Variants in CHID1 observed in about 807,000 individuals in gnomAD.
The protein encoded by CHID1 is chitinase domain-containing protein 1.
CHID1 carries 44 observed loss-of-function variants against 55.4 expected under a neutral mutation model. That is an observed-to-expected ratio of 0.79 (90% CI 0.62 to 1.02). The LOEUF is 1.02. Among genes scored for constraint, CHID1 ranks in the 50% least tolerant of loss-of-function variants. The pLI, the probability that CHID1 is intolerant of heterozygous loss-of-function variation, is 0.00. For synonymous variants in CHID1, 216 were observed against 212.9 expected (o/e 1.01, Z -0.13); for missense variants, 491 against 515.3 (o/e 0.95, Z 0.46).
intron 10 of CHID1, among the ~76,000 whole-genome samples, chr11:873,631 G>A (rs942497065): frequency 6.6e-6 from 1 of 152,086 alleles, no homozygotes; most frequent in Non-Finnish European, 1.5e-5. Context: ...CAATGAACAC[G>A]GACAGCTCGG....
intron 10 of CHID1, among the ~76,000 whole-genome samples, chr11:878,714 T>A (rs1046606242): frequency 5.9e-5 from 9 of 152,032 alleles, no homozygotes; most frequent in Non-Finnish European, 7.4e-5. Flanking sequence ...CTTTTTTTTT[T>A]AATTTGAGAC....
intron 8 of CHID1, among the ~76,000 whole-genome samples, chr11:884,580 C>A (rs911918285): frequency 6.6e-6 from 1 of 152,200 alleles, no homozygotes; most frequent in Non-Finnish European, 1.5e-5. Context: ...GCAGCAAAGC[C>A]TCCCTGAAGG....
upstream of CHID1, chr11:910,922 A>C (rs959559598): frequency 1.3e-6 from 1 of 779,252 alleles, no homozygotes; most frequent in Non-Finnish European, 1.6e-6. Context: ...GGGACTGGGC[A>C]GGGCTGCCCG....
chr11:881,258 A>C (rs1849892990), intron 10 of CHID1, among the ~76,000 whole-genome samples: 1 of 152,142 alleles, frequency 6.6e-6, no homozygotes, highest in African/African-American at 2.4e-5. Context: ...AGCCTGGACC[A>C]CATAGTGAGA....
chr11:869,857 C>G lies in CHID1; in HGVS notation c.*1G>C. ...TCCACCGCGGAGGCCGCAATGCCCA[C>G]CTAGAGCAGGTCGTAGAAGTAGTCC... is the stretch of plus-strand genomic sequence containing the variant. On this transcript the variant is annotated 3_prime_UTR_variant, in exon 13 of 13. Transcript: ENST00000323578. The G allele has an allele frequency of 6.2e-7, 1 of 1,612,862 alleles. No homozygotes were observed. The highest frequency in any genetic ancestry group is 8.5e-7 in the Non-Finnish European group (1 of 1,179,702).
chr11:877,409 A>G (rs572117192), intron 10 of CHID1, among the ~76,000 whole-genome samples: 23 of 152,272 alleles, frequency 1.5e-4, no homozygotes, highest in African/African-American at 5.1e-4. Context: ...ATACCGGCTA[A>G]TTTGTTTTTA....
rs556045828 is a variant in CHID1, at chr11:869,917, C to T, written c.1123G>A (p.Val375Ile). 19 of 1,612,812 alleles carry T rather than the reference C, an allele frequency of 1.2e-5. No individual in the cohort carries two copies. Among genetic ancestry groups the T allele is most frequent in the Middle Eastern group, 1.7e-4 (1 of 6,060 alleles). The change falls in exon 13 of 13, where the codon GTT (valine) becomes ATT (isoleucine). Residue 375 changes from valine (V) to isoleucine (I), a missense_variant. Physicochemically the swap from Val to Ile is conservative, Grantham distance 29 (BLOSUM62 3). Transcript: ENST00000323578. Reference sequence around the variant, plus strand: ...CCCAGCTCCCAGATAGAGACCCCAACGCCCAGCTCCCGGGCCAGCTCCAGC... The same window carrying T: ...CCCAGCTCCCAGATAGAGACCCCAATGCCCAGCTCCCGGGCCAGCTCCAGC... The part of the protein sequence containing the change: ...VRLELARELG[V>I]GVSIWELGQG...
chr11:903,678 G>A, intron 2 of CHID1: 1 of 219,044 alleles, frequency 4.6e-6, no homozygotes, highest in Non-Finnish European at 9.4e-6. Context: ...CTACTCGGGA[G>A]GCTGAAGCAG....
intron 4 of CHID1, 127 bp downstream of exon 4, chr11:902,071 C>CCAT: frequency 1.0e-6 from 1 of 958,016 alleles, no homozygotes. Context: ...CACGCAGAGA[C>CCAT]ACACACACAC....
intron 10 of CHID1, among the ~76,000 whole-genome samples, chr11:877,127 G>A (rs757221889): frequency 7.9e-5 from 12 of 152,312 alleles, no homozygotes; most frequent in Non-Finnish European, 1.5e-4. Flanking sequence ...ACCCCAACTT[G>A]TGCAAAGCTG....
rs188344807 is a variant in CHID1, at chr11:894,802, T to C, written c.609-1283A>G. Among the ~76,000 whole-genome samples the C allele has an allele frequency of 3.7e-4, 57 of 152,238 alleles. 2 individuals are homozygous for C. In the East Asian group the frequency reaches 6.8e-3, roughly 18 times the overall value. ...TACCCAGAGGCCCTGGTGCTCCCAA[T>C]GGTGCCAGGACCAGGGCCTGGCATG... is the stretch of plus-strand genomic sequence containing the variant. On this transcript the variant is annotated intron_variant, in intron 7 of 12. Coordinates refer to ENST00000323578, the MANE Select transcript of CHID1 (RefSeq NM_023947.4).
chr11:910,852 C>A (rs753163693), upstream of CHID1: 1,812 of 1,086,578 alleles, frequency 1.7e-3, 2 homozygotes, highest in Non-Finnish European at 1.8e-3. Flanking sequence ...CCGCCCCAGG[C>A]GCCCGCGCGC....
intron 8 of CHID1, among the ~76,000 whole-genome samples, chr11:891,724 C>T (rs1293805265): frequency 2.6e-5 from 4 of 152,174 alleles, no homozygotes; most frequent in Admixed American, 2.0e-4. Flanking sequence ...CTGTAGTCCT[C>T]CCAACCACCT....
At chr11:898,359 C>T (rs1267398300) in intron 7 of CHID1, among the ~76,000 whole-genome samples, 1 of 151,802 alleles carries the variant, frequency 6.6e-6, no homozygotes, top group Non-Finnish European at 1.5e-5. Context: ...GTGGTGGGGG[C>T]GGGGGAGCCG....
At chr11:893,992 G>A (rs1212110774) in intron 7 of CHID1, among the ~76,000 whole-genome samples, 1 of 151,982 alleles carries the variant, frequency 6.6e-6, no homozygotes, top group African/African-American at 2.4e-5. Context: ...TGTGGTGGCA[G>A]GTTCCTGTAA....
intron 1 of CHID1, among the ~76,000 whole-genome samples, chr11:907,559 A>G (rs1852336892): frequency 6.6e-6 from 1 of 152,104 alleles, no homozygotes; most frequent in Non-Finnish European, 1.5e-5. Context: ...AACCACCACC[A>G]TAGCCCAGCC....
rs1158364575 is a variant in CHID1 at position 875,511 on chromosome 11, G to A, written c.960-5012C>T. ...GTAGACACTGAGGGCCCCGGGTGTG[G>A]AGAAGACCTGGCTCCTCGTCACTGG... On this transcript the variant is annotated intron_variant, in intron 10 of 12. Transcript: ENST00000323578. This position sits in a 1 kb window ranked among gnomAD's most constrained non-coding sequence, Gnocchi z 4.7. 1.3e-5 allele frequency among the ~76,000 whole-genome samples: 2 copies of A among 152,240 alleles called. No homozygotes were observed. The highest frequency in any genetic ancestry group is 2.4e-5 in the African/African-American group (1 of 41,456).
chr11:901,018 G>A (rs752515187), intron 4 of CHID1, 38 bp from the exon 5 acceptor site: 5 of 1,562,460 alleles, frequency 3.2e-6, no homozygotes, highest in Non-Finnish European at 3.5e-6. Flanking sequence ...ACAGGCACGT[G>A]CGCCCAACTG....
rs944897261 is a variant in CHID1, at chr11:867,902, TCA to T, written c.*1954_*1955del. On this transcript the variant is annotated 3_prime_UTR_variant, in exon 13 of 13. Coordinates refer to ENST00000323578, the MANE Select transcript of CHID1 (RefSeq NM_023947.4). ...AATGCATCAAGGTGCCTCAGGATTC[TCA>T]CAGCCAGGGGTGAGGGTTGTGTGGG... is the stretch of plus-strand genomic sequence containing the variant. The T allele has an allele frequency of 2.0e-5, 3 of 152,156 alleles. No individual in the cohort carries two copies. Among genetic ancestry groups the T allele is most frequent in the Admixed American group, 1.3e-4 (2 of 15,270 alleles). The allele number at this position is 152,156 out of a possible 1,614,324, so 9.4% of individuals were successfully genotyped here.
Sources: allele counts gnomAD v4.1 joint callset (sites outside exome capture counted in the v4.1 genomes callset), GRCh38; gene constraint gnomAD v4.1.1; non-coding constraint Gnocchi (gnomAD v3.1); transcripts MANE v1.5; gene names NCBI Gene and HGNC (gene_info 2026-07-23, HGNC 2026-07-21).